SPNS3: variants seen among roughly 807,000 people sequenced by gnomAD.
SPNS3 encodes protein spinster homolog 3.
A neutral mutation model predicts 54.4 loss-of-function variants in SPNS3; 51 were observed. That is an observed-to-expected ratio of 0.94 (90% CI 0.75 to 1.18). The LOEUF (loss-of-function observed/expected upper bound fraction) is 1.18. SPNS3 is among the 50% of genes most tolerant of loss of function. The pLI is 0.00. For synonymous variants in SPNS3, 309 were observed against 294.7 expected (o/e 1.05, Z -0.50); for missense variants, 669 against 677.4 (o/e 0.99, Z 0.14).
Position 4,478,632 on chromosome 17 carries a change from C to A in SPNS3, c.1174C>A (p.Leu392Met). The part of the protein sequence containing the change: ...SCNWAVVADI[L>M]LSVVVPRCRG... ...CAACTGGGCAGTGGTTGCCGACATCCTGCTGGTAGGTGTGGGAGTCGGGGT... is the reference window on the plus strand; with the variant it reads ...CAACTGGGCAGTGGTTGCCGACATCATGCTGGTAGGTGTGGGAGTCGGGGT... Residue 392 changes from leucine (L) to methionine (M), a missense_variant, in exon 9 of 12, where the codon CTG (leucine) becomes ATG (methionine). By Grantham distance (15) the Leu-to-Met change is conservative. Coordinates refer to ENST00000355530, the MANE Select transcript of SPNS3 (RefSeq NM_182538.5). 1 of 1,588,050 alleles carries A rather than the reference C, an allele frequency of 6.3e-7. No individual in the cohort carries two copies. Among genetic ancestry groups the A allele is most frequent in the Non-Finnish European group, 8.6e-7 (1 of 1,167,154 alleles).
At chr17:4,443,719 G>C (rs1365821463) in intron 2 of SPNS3, among the ~76,000 whole-genome samples, 2 of 152,248 alleles carry the variant, frequency 1.3e-5, no homozygotes, top group East Asian at 3.8e-4. Context: ...CTTAGTCCCA[G>C]AAGTTGCGTT....
chr17:4,458,594 T>C (rs1971393943), intron 8 of SPNS3, among the ~76,000 whole-genome samples: 1 of 74,452 alleles, frequency 1.3e-5, no homozygotes, highest in Non-Finnish European at 2.6e-5. Context: ...CCCTCCTTTC[T>C]TTCTTTCTTT....
intron 4 of SPNS3, chr17:4,446,663 G>A: frequency 1.7e-6 from 1 of 597,550 alleles, no homozygotes; most frequent in Non-Finnish European, 3.0e-6. Context: ...GTTTCCATAG[G>A]TGGAGAGAGT....
In SPNS3 at chr17:4,470,176, C is replaced by T. The variant is rs557065729; in HGVS notation, c.1114-8396C>T. Among the ~76,000 whole-genome samples, 278 of 152,238 alleles carry T rather than the reference C, an allele frequency of 1.8e-3. 1 individual carries two copies. Among genetic ancestry groups the T allele is most frequent in the Non-Finnish European group, 2.8e-3 (188 of 68,012 alleles). On this transcript the variant is annotated intron_variant, in intron 8 of 11. Transcript: ENST00000355530. The stretch of plus-strand genomic sequence containing the variant: ...AGGCACAGTGACTCACGCCTGTAAT[C>T]CCAGCACTTTGGGAGGCCGAGGTGG...
intron 8 of SPNS3, among the ~76,000 whole-genome samples, chr17:4,469,240 C>T (rs910556742): frequency 6.6e-6 from 1 of 151,974 alleles, no homozygotes; most frequent in Non-Finnish European, 1.5e-5. Flanking sequence ...TGTGAGCCAC[C>T]GTGCCCAGCT....
chr17:4,481,978 T>G (rs1441687660), intron 9 of SPNS3: 2 of 151,896 alleles, frequency 1.3e-5, no homozygotes, highest in Non-Finnish European at 2.9e-5. Flanking sequence ...GACCTCTGCC[T>G]CCTGGGTTCA....
At chr17:4,440,639 C>G (rs1970825537) in intron 2 of SPNS3, among the ~76,000 whole-genome samples, 1 of 152,110 alleles carries the variant, frequency 6.6e-6, no homozygotes, top group African/African-American at 2.4e-5. Context: ...AATTCCCTGT[C>G]TACCATGGTA....
chr17:4,484,988 G>A (rs1206473385), intron 9 of SPNS3: 3 of 152,278 alleles, frequency 2.0e-5, no homozygotes, highest in East Asian at 3.9e-4. Flanking sequence ...GGAGACATGC[G>A]TTAATTAGGG....
intron 8 of SPNS3, among the ~76,000 whole-genome samples, chr17:4,463,737 C>CG (rs1474436551): frequency 2.2e-5 from 3 of 137,126 alleles, no homozygotes; most frequent in Admixed American, 7.4e-5. Context: ...GACTCCATCT[C>CG]GAAAAAAAAA....
intron 1 of SPNS3, among the ~76,000 whole-genome samples, chr17:4,438,800 T>C (rs62067387): frequency 0.057 from 8,651 of 152,316 alleles, 302 homozygotes; most frequent in Non-Finnish European, 0.079. Flanking sequence ...GGGCTGCCGC[T>C]CCTCTGACTG....
In SPNS3 at chr17:4,446,209, A is replaced by T; in HGVS notation, c.554+10A>T. ...TTATCCCCGTTGGAAGGTTGGTATCACCCGTGGGTCTACTTCCCCAGGTGG... is the reference window on the plus strand; with the variant it reads ...TTATCCCCGTTGGAAGGTTGGTATCTCCCGTGGGTCTACTTCCCCAGGTGG... On this transcript the variant is annotated intron_variant, in intron 4 of 11. Transcript: ENST00000355530. 1 of 1,603,552 alleles carries T rather than the reference A, an allele frequency of 6.2e-7. No homozygotes were observed. The highest frequency in any genetic ancestry group is 8.5e-7 in the Non-Finnish European group (1 of 1,172,324).
chr17:4,449,528 A>C (rs955033068), intron 7 of SPNS3, 141 bp downstream of exon 7: 41 of 1,062,610 alleles, frequency 3.9e-5, no homozygotes, highest in Non-Finnish European at 5.3e-5. Context: ...CTCAGGACCC[A>C]GATGGCAGCA....
chr17:4,442,530 CA>C (rs147092893), intron 2 of SPNS3, among the ~76,000 whole-genome samples: 197 of 141,752 alleles, frequency 1.4e-3, no homozygotes, highest in African/African-American at 4.7e-3. Context: ...AAGACTGTCT[CA>C]AAAAAAAAAC....
Position 4,486,601 on chromosome 17 carries a change from C to A in SPNS3, c.1450+18C>A. On this transcript the variant is annotated intron_variant, in intron 11 of 11. Coordinates refer to ENST00000355530, the MANE Select transcript of SPNS3 (RefSeq NM_182538.5). This position sits in a 1 kb window ranked among gnomAD's most constrained non-coding sequence, Gnocchi z 5.5. ...TGTCACAGGTACCCTACCCATTGCA[C>A]CAGGCCCGGCTCAGGGCCGGCACCC... 3 of 1,597,224 alleles carry A rather than the reference C, an allele frequency of 1.9e-6. No homozygotes were observed. The highest frequency in any genetic ancestry group is 2.6e-6 in the Non-Finnish European group (3 of 1,169,998).
intron 1 of SPNS3, among the ~76,000 whole-genome samples, chr17:4,435,161 G>A (rs1970681442): frequency 6.6e-6 from 1 of 152,000 alleles, no homozygotes; most frequent in Non-Finnish European, 1.5e-5. Flanking sequence ...GGTGGCTCAG[G>A]CCTGTAATCC....
rs547026201 is a variant in SPNS3 at position 4,478,696 on chromosome 17, C to T, written c.1179+59C>T. ...GGGGGAGCTGGAGAGGATTGGGCCT[C>T]TGCTGCTGAGCAGCTGGGCACTGGC... On this transcript the variant is annotated intron_variant, in intron 9 of 11. Transcript: ENST00000355530. The T allele has an allele frequency of 1.2e-4, 180 of 1,534,378 alleles. 2 individuals are homozygous for T. In the South Asian group the frequency reaches 1.9e-3, roughly 16 times the overall value.
chr17:4,468,264 TAGAG>T (rs775957269), intron 8 of SPNS3, among the ~76,000 whole-genome samples: 15 of 150,872 alleles, frequency 9.9e-5, no homozygotes, highest in South Asian at 8.4e-4. Flanking sequence ...CTGGGCAACA[TAGAG>T]AGAAAAAATT....
intron 2 of SPNS3, among the ~76,000 whole-genome samples, chr17:4,440,193 TGACACCCAGCAGCA>T (rs1970813629): frequency 6.6e-6 from 1 of 152,174 alleles, no homozygotes; most frequent in South Asian, 2.1e-4. Flanking sequence ...ACAGACAGCC[TGACACCCAGCAGCA>T]GGGAGCAGCC....
chr17:4,446,812 G>A, intron 4 of SPNS3, 84 bp from the exon 5 acceptor site: 10 of 1,323,714 alleles, frequency 7.6e-6, no homozygotes, highest in Non-Finnish European at 9.7e-6. Flanking sequence ...GGCGTGGGGG[G>A]GGCACCCTGG....
Sources: gnomAD v4.1 joint callset for allele counts (sites outside exome capture counted in the v4.1 genomes callset) on GRCh38, gnomAD v4.1.1 for gene constraint, Gnocchi (gnomAD v3.1) non-coding constraint, MANE v1.5 for transcripts, NCBI Gene and HGNC (gene_info 2026-07-23, HGNC 2026-07-21) for gene names.